The following SLC14A2 variants were observed in gnomAD, a reference collection of about 807,000 sequenced individuals.
The protein encoded by SLC14A2 is solute carrier family 14 member 2.
SLC14A2 carries 91 observed loss-of-function variants against 104.6 expected under a neutral mutation model. That is an observed-to-expected ratio of 0.87 (90% confidence interval 0.73 to 1.04). SLC14A2 has a LOEUF of 1.04. SLC14A2 is among the 50% of genes least tolerant of loss of function. The probability of loss-of-function intolerance (pLI) is 0.00; values close to 1 mark genes in which losing one functional copy is unlikely to be tolerated. For synonymous variants in SLC14A2, 476 were observed against 466.4 expected, an observed-to-expected ratio of 1.02 and a Z score of -0.27; for missense variants, 1,189 against 1,156.0, an observed-to-expected ratio of 1.03 and a Z score of -0.41.
At chr18:45,391,897 GT>G (rs1202125504) in intron 1 of SLC14A2, among the ~76,000 whole-genome samples, 1 of 152,194 alleles carries the variant, frequency 6.6e-6, no homozygotes, top group Non-Finnish European at 1.5e-5. Flanking sequence ...TCTGATGGTG[GT>G]TTCTTTTGCT....
chr18:45,421,491 G>T (rs1192073926), intron 1 of SLC14A2, among the ~76,000 whole-genome samples: 1 of 152,160 alleles, frequency 6.6e-6, no homozygotes, highest in African/African-American at 2.4e-5. Flanking sequence ...GAGTGTGCTA[G>T]ACCTAAGGGT....
At chr18:45,271,327 T>A (rs1377220988) in intron 1 of SLC14A2, among the ~76,000 whole-genome samples, 1 of 152,142 alleles carries the variant, frequency 6.6e-6, no homozygotes, top group Non-Finnish European at 1.5e-5. Context: ...TCCTTTTCCC[T>A]TGGGAGGTGA....
chr18:45,427,125 A>T (rs1381532860), intron 1 of SLC14A2, among the ~76,000 whole-genome samples: 1 of 151,612 alleles, frequency 6.6e-6, no homozygotes, highest in African/African-American at 2.4e-5. Flanking sequence ...TGGACACCTC[A>T]CCCCCTTTCA....
intron 1 of SLC14A2, among the ~76,000 whole-genome samples, chr18:45,470,915 G>C (rs1391457837): frequency 6.6e-6 from 1 of 151,666 alleles, no homozygotes; most frequent in Non-Finnish European, 1.5e-5. Flanking sequence ...ATTTTTTTTA[G>C]TTTCAGTGTT....
chr18:45,531,626 A>G (rs1217316215), intron 2 of SLC14A2, among the ~76,000 whole-genome samples: 2 of 152,160 alleles, frequency 1.3e-5, no homozygotes, highest in Non-Finnish European at 2.9e-5. Context: ...GTAGGTTGCA[A>G]ACATTTTCTC....
intron 2 of SLC14A2, among the ~76,000 whole-genome samples, chr18:45,519,004 C>G (rs560535213): frequency 3.3e-5 from 5 of 152,274 alleles, no homozygotes; most frequent in Admixed American, 3.3e-4. Context: ...GCATTTGTGG[C>G]CTGTTTGGGG....
intron 1 of SLC14A2, among the ~76,000 whole-genome samples, chr18:45,325,631 A>T (rs538597195): frequency 6.6e-6 from 1 of 152,180 alleles, no homozygotes; most frequent in Non-Finnish European, 1.5e-5. Flanking sequence ...CTTCTAGGAC[A>T]TCCATATGCA....
At chr18:45,555,357 G>A (rs2044117410) in intron 2 of SLC14A2, among the ~76,000 whole-genome samples, 1 of 152,088 alleles carries the variant, frequency 6.6e-6, no homozygotes, top group Admixed American at 6.6e-5. Context: ...ACTTTCTGAT[G>A]GTATAAAAGT....
At chr18:45,456,161 A>G (rs921466097) in intron 1 of SLC14A2, among the ~76,000 whole-genome samples, 1 of 152,128 alleles carries the variant, frequency 6.6e-6, no homozygotes, top group Non-Finnish European at 1.5e-5. Context: ...GTGACGATCA[A>G]AAGTGTCCCC....
chr18:45,475,439 T>C (rs764795837), intron 1 of SLC14A2, among the ~76,000 whole-genome samples: 42 of 151,812 alleles, frequency 2.8e-4, no homozygotes, highest in Non-Finnish European at 5.9e-5. Flanking sequence ...GTCTCATTGA[T>C]CTGTCAAATA....
At chr18:45,260,677 G>A (rs2036242441) in intron 1 of SLC14A2, among the ~76,000 whole-genome samples, 1 of 152,134 alleles carries the variant, frequency 6.6e-6, no homozygotes, top group Non-Finnish European at 1.5e-5. Flanking sequence ...GATGCAGCTG[G>A]AGGGCATTAT....
At chr18:45,339,899 TA>T (rs2085376543) in intron 1 of SLC14A2, among the ~76,000 whole-genome samples, 1 of 152,222 alleles carries the variant, frequency 6.6e-6, no homozygotes, top group African/African-American at 2.4e-5. Flanking sequence ...GGTACTGTCC[TA>T]GGAAAACAAG....
At chr18:45,308,083 T>C (rs1010109806) in intron 1 of SLC14A2, among the ~76,000 whole-genome samples, 10 of 152,032 alleles carry the variant, frequency 6.6e-5, no homozygotes, top group Non-Finnish European at 1.3e-4. Flanking sequence ...GAATCACTCA[T>C]TACCACGAGG....
chr18:45,544,309 T>C (rs918559915), intron 2 of SLC14A2, among the ~76,000 whole-genome samples: 4 of 152,202 alleles, frequency 2.6e-5, no homozygotes, highest in Non-Finnish European at 5.9e-5. Flanking sequence ...AACTTACATA[T>C]ACATATAATC....
the SLC14A2 span, among the ~76,000 whole-genome samples, chr18:45,187,381 A>C: frequency 6.6e-6 from 1 of 152,272 alleles, no homozygotes; most frequent in South Asian, 2.1e-4. Flanking sequence ...AAACTGAATA[A>C]AGCAAAGTGT....
intron 1 of SLC14A2, among the ~76,000 whole-genome samples, chr18:45,319,370 A>G (rs751221274): frequency 8.5e-5 from 13 of 152,248 alleles, no homozygotes; most frequent in Non-Finnish European, 1.9e-4. Flanking sequence ...GCGCCAGCAT[A>G]TAATGGCTCT....
At chr18:45,336,660 C>T (rs2085340957) in intron 1 of SLC14A2, among the ~76,000 whole-genome samples, 2 of 152,120 alleles carry the variant, frequency 1.3e-5, no homozygotes, top group Admixed American at 1.3e-4. Context: ...TATGTATTGG[C>T]CTCCAGCCCT....
chr18:45,641,363 G>A lies in SLC14A2; in HGVS notation c.1126+20G>A, dbSNP rs756795850. On this transcript the variant is annotated intron_variant, in intron 8 of 19. Coordinates refer to ENST00000255226, the MANE Select transcript of SLC14A2 (RefSeq NM_007163.4). ...TCTGTGGTAGGTGTTCAGAAAAGCTGACAACCAGGTTATTCTGGCTATTCC... is the reference window on the plus strand; with the variant it reads ...TCTGTGGTAGGTGTTCAGAAAAGCTAACAACCAGGTTATTCTGGCTATTCC... The A allele has an allele frequency of 1.9e-6, 3 of 1,614,026 alleles. No homozygotes were observed. Among genetic ancestry groups the A allele is most frequent in the Non-Finnish European group, 2.5e-6 (3 of 1,179,946 alleles).
chr18:45,620,289 A>G (rs2045143750), intron 1 of SLC14A2, among the ~76,000 whole-genome samples: 1 of 152,238 alleles, frequency 6.6e-6, no homozygotes, highest in Non-Finnish European at 1.5e-5. Flanking sequence ...TGGAGAGCGC[A>G]GTGGGGAACT....
Sources: gnomAD v4.1 joint callset for allele counts (sites outside exome capture counted in the v4.1 genomes callset) on GRCh38, gnomAD v4.1.1 for gene constraint, MANE v1.5 for transcripts, NCBI Gene and HGNC (gene_info 2026-07-23, HGNC 2026-07-21) for gene names.